ZFYVE16: variants seen among roughly 807,000 people sequenced by gnomAD.
The protein encoded by ZFYVE16 is zinc finger FYVE domain-containing protein 16.
In ZFYVE16, 89 loss-of-function variants were observed where a neutral mutation model predicts 138.1. The observed-to-expected ratio is 0.64, with a 90% CI of 0.54 to 0.77. The LOEUF is 0.77. Ranked by LOEUF, ZFYVE16 falls within the 30% of genes least tolerant of loss-of-function variation. ZFYVE16 has a pLI of 0.00. For missense variants in ZFYVE16, 1,793 were observed against 1,786.7 expected, an observed-to-expected ratio of 1.00 and a Z score of -0.06; for synonymous variants, 596 against 618.3, an observed-to-expected ratio of 0.96 and a Z score of 0.53.
At chr5:80,441,472 C>T (rs1234637856) in intron 5 of ZFYVE16, 2 of 985,128 alleles carry the variant, frequency 2.0e-6, no homozygotes, top group Non-Finnish European at 2.4e-6. Context: ...AATTCATATG[C>T]CACAGGAGAG....
At chr5:80,422,459 T>C (rs1030736354) in intron 1 of ZFYVE16, among the ~76,000 whole-genome samples, 1 of 152,144 alleles carries the variant, frequency 6.6e-6, no homozygotes, top group African/African-American at 2.4e-5. Context: ...ATTTGTTTTG[T>C]TTTGTTTTTG....
intron 2 of ZFYVE16, among the ~76,000 whole-genome samples, chr5:80,429,661 T>G (rs1357926518): frequency 1.3e-5 from 2 of 152,146 alleles, no homozygotes; most frequent in Admixed American, 1.3e-4. Flanking sequence ...ACTGGCAAAT[T>G]GGATAAAGAG....
At chr5:80,447,132 C>T (rs1004556041) in intron 7 of ZFYVE16, among the ~76,000 whole-genome samples, 3 of 151,786 alleles carry the variant, frequency 2.0e-5, no homozygotes, top group Non-Finnish European at 4.4e-5. Context: ...GGTATTGTGG[C>T]GCATGCCTGT....
chr5:80,425,069 C>T (rs1747797859), intron 1 of ZFYVE16, among the ~76,000 whole-genome samples: 1 of 152,090 alleles, frequency 6.6e-6, no homozygotes, highest in South Asian at 2.1e-4. Flanking sequence ...AATATGTTAC[C>T]TGTATCTGTT....
chr5:80,471,521 G>C (rs1339427166), intron 15 of ZFYVE16, among the ~76,000 whole-genome samples: 1 of 152,080 alleles, frequency 6.6e-6, no homozygotes, highest in Non-Finnish European at 1.5e-5. Flanking sequence ...CCCTCACTAA[G>C]CTACCCCTGC....
intron 2 of ZFYVE16, among the ~76,000 whole-genome samples, chr5:80,429,137 C>G (rs1284598635): frequency 6.6e-6 from 1 of 152,034 alleles, no homozygotes; most frequent in Non-Finnish European, 1.5e-5. Flanking sequence ...AAGAGCAACT[C>G]CAAGACACAT....
chr5:80,413,532 AC>A (rs1265100739), intron 1 of ZFYVE16, among the ~76,000 whole-genome samples: 10 of 151,926 alleles, frequency 6.6e-5, no homozygotes, highest in Admixed American at 3.9e-4. Flanking sequence ...AGTCCTTCTC[AC>A]CCCTGAATCC....
Position 80,474,762 on chromosome 5 carries a change from C to G in ZFYVE16, c.4393C>G (p.His1465Asp). 6.2e-7 allele frequency: 1 copy of G among 1,613,856 alleles called. No homozygotes were observed. Among genetic ancestry groups the G allele is most frequent in the Non-Finnish European group, 8.5e-7 (1 of 1,179,844 alleles). ...AMACSAALCP[H>D]LKTLKSNGMN... is the part of the protein sequence containing the mutation. ...GGCTTGTAGTGCTGCGCTGTGCCCTCACCTGAAAACTCTAAAAAGTAATGG... is the reference window on the plus strand; with the variant it reads ...GGCTTGTAGTGCTGCGCTGTGCCCTGACCTGAAAACTCTAAAAAGTAATGG... The change falls in exon 18 of 19, where the codon CAC becomes GAC. Residue 1465 changes from histidine to aspartate, a missense_variant. His to Asp is a moderately conservative substitution (Grantham distance 81, BLOSUM62 -1). Around this residue, in one of 2 missense-constraint regions of ZFYVE16, gnomAD observed 498 missense variants for 582.4 expected, o/e 0.86. Transcript: ENST00000505560.
Position 80,472,830 on chromosome 5 carries a change from A to G in ZFYVE16, c.4094A>G (p.Asp1365Gly). The change falls in exon 16 of 19, where the codon GAC becomes GGC. Residue 1365 changes from aspartate to glycine, a missense_variant. Coordinates refer to ENST00000505560, the MANE Select transcript of ZFYVE16 (RefSeq NM_001284236.3). ...CGGCTAGCTTTACGAGAACAGAAAG[A>G]CTTTAAAATTACATGTGGGAAAGTT... ...GLRLALREQK[D>G]FKITCGKVDA... is the part of the protein sequence containing the mutation. 2 of 1,614,058 alleles carry G rather than the reference A, an allele frequency of 1.2e-6. No homozygotes were observed. The highest frequency in any genetic ancestry group is 1.3e-5 in the African/African-American group (1 of 75,052).
intron 15 of ZFYVE16, among the ~76,000 whole-genome samples, chr5:80,466,016 C>T (rs1163909635): frequency 6.6e-6 from 1 of 151,908 alleles, no homozygotes; most frequent in Non-Finnish European, 1.5e-5. Context: ...ACCTCCACCT[C>T]CTGGGTTCAA....
Position 80,437,096 on chromosome 5 carries a change from T to C in ZFYVE16, c.411T>C (p.Val137=), listed in dbSNP as rs766230185. Residue 137 remains valine, a synonymous_variant, in exon 4 of 19, where the codon GTT becomes GTC. Coordinates refer to ENST00000505560, the MANE Select transcript of ZFYVE16 (RefSeq NM_001284236.3). ...CDLISDMGNL[V]HATNSEEDIK... ...TGATAAGTGACATGGGTAACTTAGT[T>C]CATGCAACCAATAGTGAAGAAGATA... 1 of 1,614,144 alleles carries C rather than the reference T, an allele frequency of 6.2e-7. No individual in the cohort carries two copies. Among genetic ancestry groups the C allele is most frequent in the South Asian group, 1.1e-5 (1 of 91,086 alleles).
At chr5:80,425,397 C>A (rs984828307) in intron 1 of ZFYVE16, among the ~76,000 whole-genome samples, 5 of 152,126 alleles carry the variant, frequency 3.3e-5, no homozygotes, top group Non-Finnish European at 7.4e-5. Flanking sequence ...ATAATTAGTT[C>A]TTGTAAAACC....
chr5:80,432,555 G>A (rs572312169), intron 2 of ZFYVE16, among the ~76,000 whole-genome samples: 25 of 152,294 alleles, frequency 1.6e-4, no homozygotes, highest in African/African-American at 5.5e-4. Flanking sequence ...AGCACCAAAA[G>A]CAATGGCAAC....
At chr5:80,468,550 A>G (rs249028) in intron 15 of ZFYVE16, among the ~76,000 whole-genome samples, 118,109 of 152,112 alleles carry the variant, frequency 0.78, 49,026 homozygotes, top group East Asian at 0.92. Flanking sequence ...ACTGTACTAT[A>G]ATCTTATGGG....
chr5:80,473,589 A>G (rs1191335227), intron 16 of ZFYVE16, among the ~76,000 whole-genome samples, 165 bp from the exon 17 acceptor site: 1 of 152,248 alleles, frequency 6.6e-6, no homozygotes, highest in Non-Finnish European at 1.5e-5. Context: ...TACACAATCA[A>G]GAAATCTTGG....
intron 3 of ZFYVE16, 98 bp from the exon 4 acceptor site, chr5:80,436,658 A>G: frequency 9.0e-7 from 1 of 1,107,808 alleles, no homozygotes. Context: ...TGTTCTTTTA[A>G]AAAAGTGTAT....
At chr5:80,440,562 T>C (rs1419964914) in intron 5 of ZFYVE16, 3 of 985,172 alleles carry the variant, frequency 3.0e-6, no homozygotes, top group Non-Finnish European at 3.6e-6. Context: ...TTCTCAACTT[T>C]AGAATTTTGC....
chr5:80,439,239 A>G (rs1273168676), intron 4 of ZFYVE16, among the ~76,000 whole-genome samples: 1 of 152,226 alleles, frequency 6.6e-6, no homozygotes, highest in African/African-American at 2.4e-5. Flanking sequence ...GGAAATGAGA[A>G]ACAATTATTT....
At position 80,437,912 on chromosome 5, in the gene ZFYVE16, T is replaced by TG; in HGVS notation, c.1228dup (p.Ala410GlyfsTer6). ...ATGAACATAAAGATAATATACAAGA[T>TG]GCAGTGACTATACATGAAGAAATAC... On this transcript the variant is annotated frameshift_variant, in exon 4 of 19. Transcript: ENST00000505560. LOFTEE classifies it high-confidence loss of function. 1 of 1,614,040 alleles carries TG rather than the reference T, an allele frequency of 6.2e-7. No individual in the cohort carries two copies. The highest frequency in any genetic ancestry group is 8.5e-7 in the Non-Finnish European group (1 of 1,179,958).
Sources: gnomAD v4.1 joint callset for allele counts (sites outside exome capture counted in the v4.1 genomes callset) on GRCh38, gnomAD v4.1.1 for gene constraint, gnomAD v4.1.1 regional missense constraint, MANE v1.5 for transcripts, NCBI Gene and HGNC (gene_info 2026-07-23, HGNC 2026-07-21) for gene names.